Variants in MGAT4C observed in about 807,000 individuals in gnomAD.
The protein encoded by MGAT4C is MGAT4 family member C.
In MGAT4C, 19 loss-of-function variants were observed where a neutral mutation model predicts 40.1. The observed-to-expected ratio is 0.47, with a 90% CI of 0.33 to 0.70. The LOEUF (loss-of-function observed/expected upper bound fraction) is 0.70. Ranked by LOEUF, MGAT4C falls within the 30% of genes least tolerant of loss-of-function variation. The probability of loss-of-function intolerance (pLI) is 0.02; values close to 1 mark genes in which losing one functional copy is unlikely to be tolerated. For synonymous variants in MGAT4C, 181 were observed against 187.1 expected (o/e 0.97, Z 0.27); for missense variants, 491 against 563.2 (o/e 0.87, Z 1.30).
chr12:85,979,273 A>T lies in MGAT4C; in HGVS notation c.*16T>A. ...GGAAGAACTGCTTCAGAAACTGAAC[A>T]TACTGATTTAATTGGCTAAGAAGTC... On this transcript the variant is annotated 3_prime_UTR_variant, in exon 5 of 5. Transcript: ENST00000611864. 6.4e-7 allele frequency: 1 copy of T among 1,559,462 alleles called. No homozygotes were observed. Among genetic ancestry groups the T allele is most frequent in the Non-Finnish European group, 8.7e-7 (1 of 1,151,786 alleles).
intron 1 of MGAT4C, among the ~76,000 whole-genome samples, chr12:86,827,026 A>G (rs868087120): frequency 6.6e-6 from 1 of 151,598 alleles, no homozygotes; most frequent in Middle Eastern, 3.4e-3. Flanking sequence ...AGAAAAATCA[A>G]TTCATATATT....
At chr12:86,211,734 TC>T (rs1380976015) in intron 1 of MGAT4C, among the ~76,000 whole-genome samples, 1 of 152,126 alleles carries the variant, frequency 6.6e-6, no homozygotes. Flanking sequence ...TTAGTACCCT[TC>T]CTCCAGAGAA....
chr12:86,078,115 C>T, intron 1 of MGAT4C, among the ~76,000 whole-genome samples: 1 of 152,090 alleles, frequency 6.6e-6, no homozygotes, highest in Non-Finnish European at 1.5e-5. Flanking sequence ...CACCTCCACC[C>T]CTTGATTCCT....
chr12:86,021,066 C>T (rs755164409), intron 2 of MGAT4C, among the ~76,000 whole-genome samples: 24 of 151,930 alleles, frequency 1.6e-4, no homozygotes, highest in Non-Finnish European at 3.2e-4. Flanking sequence ...TAGAATGGCA[C>T]TCATTAAAAA....
chr12:86,798,730 C>A (rs999862087), intron 1 of MGAT4C, among the ~76,000 whole-genome samples: 1 of 151,780 alleles, frequency 6.6e-6, no homozygotes, highest in Non-Finnish European at 1.5e-5. Context: ...AGAATACCAG[C>A]TGTTTATTGT....
chr12:86,453,545 T>C (rs1957461218), intron 2 of MGAT4C, among the ~76,000 whole-genome samples: 1 of 152,076 alleles, frequency 6.6e-6, no homozygotes, highest in Non-Finnish European at 1.5e-5. Flanking sequence ...ATATATCCAG[T>C]AGCAAGTAAG....
At chr12:86,819,402 G>T (rs1368982834) in intron 1 of MGAT4C, among the ~76,000 whole-genome samples, 6 of 150,364 alleles carry the variant, frequency 4.0e-5, no homozygotes, top group Non-Finnish European at 7.5e-5. Flanking sequence ...GGATTCAAAT[G>T]CAAAAAAGAA....
chr12:86,325,468 G>T (rs2136166953), intron 4 of MGAT4C, among the ~76,000 whole-genome samples: 1 of 152,224 alleles, frequency 6.6e-6, no homozygotes, highest in South Asian at 2.1e-4. Flanking sequence ...CAATCAAAAA[G>T]GATTACAGTT....
chr12:86,804,650 A>T (rs1369823827), intron 1 of MGAT4C, among the ~76,000 whole-genome samples: 3 of 151,946 alleles, frequency 2.0e-5, no homozygotes, highest in African/African-American at 7.2e-5. Context: ...TTGACAAGAC[A>T]ATGCTGATTT....
At chr12:86,488,450 A>G (rs1466717837) in intron 2 of MGAT4C, among the ~76,000 whole-genome samples, 1 of 151,824 alleles carries the variant, frequency 6.6e-6, no homozygotes, top group African/African-American at 2.4e-5. Flanking sequence ...AAAAAACCCA[A>G]AATGAAACAA....
At chr12:86,385,320 T>C (rs1219770756) in intron 3 of MGAT4C, among the ~76,000 whole-genome samples, 1 of 152,204 alleles carries the variant, frequency 6.6e-6, no homozygotes, top group Non-Finnish European at 1.5e-5. Flanking sequence ...ATATTTTCCA[T>C]GAGGATAAAT....
intron 1 of MGAT4C, among the ~76,000 whole-genome samples, chr12:86,143,028 G>A (rs998224155): frequency 6.6e-6 from 1 of 152,120 alleles, no homozygotes; most frequent in Non-Finnish European, 1.5e-5. Context: ...GCCAAACAGC[G>A]ATTGTCTATG....
intron 1 of MGAT4C, among the ~76,000 whole-genome samples, chr12:86,064,097 A>T (rs1894267176): frequency 6.6e-6 from 1 of 152,236 alleles, no homozygotes; most frequent in Admixed American, 6.5e-5. Context: ...CAGAATATAC[A>T]TTCTTCTCTG....
intron 1 of MGAT4C, among the ~76,000 whole-genome samples, chr12:86,105,035 A>G (rs555529630): frequency 4.6e-5 from 7 of 152,188 alleles, no homozygotes; most frequent in Non-Finnish European, 1.0e-4. Flanking sequence ...GTTACATCTT[A>G]TTTAAATTTA....
chr12:85,988,321 A>C (rs904739725), intron 3 of MGAT4C, among the ~76,000 whole-genome samples: 7 of 152,154 alleles, frequency 4.6e-5, no homozygotes, highest in African/African-American at 1.4e-4. Context: ...AGGACTTCTT[A>C]GGAATATCTG....
At chr12:86,496,060 A>C (rs1958229234) in intron 2 of MGAT4C, among the ~76,000 whole-genome samples, 1 of 151,340 alleles carries the variant, frequency 6.6e-6, no homozygotes, top group East Asian at 2.0e-4. Context: ...TACAGCACCC[A>C]AACAGTGACT....
chr12:86,733,951 G>A (rs1950948641), intron 1 of MGAT4C, among the ~76,000 whole-genome samples: 1 of 152,032 alleles, frequency 6.6e-6, no homozygotes. Flanking sequence ...TACAAAATAT[G>A]TATCCACTAC....
intron 2 of MGAT4C, among the ~76,000 whole-genome samples, chr12:85,994,622 C>A (rs866240112): frequency 1.3e-5 from 2 of 151,846 alleles, no homozygotes; most frequent in Admixed American, 1.3e-4. Context: ...AATCCCCCCC[C>A]AGCCGCCAAA....
chr12:86,111,382 A>G (rs1409263665), intron 1 of MGAT4C, among the ~76,000 whole-genome samples: 1 of 151,864 alleles, frequency 6.6e-6, no homozygotes, highest in Non-Finnish European at 1.5e-5. Flanking sequence ...TTGCAAAATG[A>G]TATCAGTGTT....
Sources: allele counts gnomAD v4.1 joint callset (sites outside exome capture counted in the v4.1 genomes callset), GRCh38; gene constraint gnomAD v4.1.1; transcripts MANE v1.5; gene names NCBI Gene and HGNC (gene_info 2026-07-23, HGNC 2026-07-21).